Variants in ARHGAP26 observed in about 807,000 individuals in gnomAD.
ARHGAP26 encodes rho GTPase-activating protein 26.
In ARHGAP26, 38 loss-of-function variants were observed where a neutral mutation model predicts 104.8. The ratio of observed to expected loss-of-function variants is 0.36; its 90% CI spans 0.28 to 0.48. The LOEUF (loss-of-function observed/expected upper bound fraction) is 0.48, where lower values mean the gene tolerates loss of function less well. ARHGAP26 is among the 20% of genes least tolerant of loss of function. The pLI is 0.99. For missense variants in ARHGAP26, 704 were observed against 947.9 expected, an observed-to-expected ratio of 0.74 and a Z score of 3.38; for synonymous variants, 341 against 340.0, an observed-to-expected ratio of 1.00 and a Z score of -0.03.
intron 17 of ARHGAP26, among the ~76,000 whole-genome samples, chr5:143,108,905 G>A (rs1002900138): frequency 2.6e-5 from 4 of 152,226 alleles, no homozygotes; most frequent in South Asian, 2.1e-4. Context: ...AGCTCTCAGC[G>A]CTGGGTCCCA....
intron 12 of ARHGAP26, among the ~76,000 whole-genome samples, chr5:143,028,121 A>G (rs1363029623): frequency 6.6e-6 from 1 of 152,188 alleles, no homozygotes; most frequent in African/African-American, 2.4e-5. Context: ...TCTTACAGAA[A>G]TTCCTTAACC....
intron 14 of ARHGAP26, among the ~76,000 whole-genome samples, chr5:143,053,986 C>T (rs1785418296): frequency 6.6e-6 from 1 of 152,184 alleles, no homozygotes; most frequent in Non-Finnish European, 1.5e-5. Context: ...AATCATTCTT[C>T]TATCGTTGGA....
chr5:143,147,567 C>T (rs955274078), intron 20 of ARHGAP26, 186 bp downstream of exon 20: 2 of 618,736 alleles, frequency 3.2e-6, no homozygotes, highest in South Asian at 2.5e-5. Flanking sequence ...CAGAGGGAGT[C>T]GTTATTCTTA....
chr5:142,831,473 A>G (rs1768418621), intron 1 of ARHGAP26, among the ~76,000 whole-genome samples: 1 of 152,104 alleles, frequency 6.6e-6, no homozygotes, highest in Non-Finnish European at 1.5e-5. Context: ...ACGTCTGTGG[A>G]TGAAATTCAG....
intron 20 of ARHGAP26, among the ~76,000 whole-genome samples, chr5:143,193,483 G>A (rs549846696): frequency 1.1e-4 from 16 of 151,996 alleles, no homozygotes; most frequent in South Asian, 4.2e-4. Flanking sequence ...TCCTGAGCTC[G>A]GGTGATCTAC....
intron 5 of ARHGAP26, 82 bp from the exon 6 acceptor site, chr5:142,894,156 A>ATTTTT: frequency 2.9e-6 from 3 of 1,034,080 alleles, no homozygotes; most frequent in Admixed American, 2.4e-5. Context: ...ATCTCCCGAG[A>ATTTTT]TTTTTTTTTT....
At chr5:142,898,130 A>G (rs1188321344) in intron 6 of ARHGAP26, among the ~76,000 whole-genome samples, 1 of 151,782 alleles carries the variant, frequency 6.6e-6, no homozygotes, top group Non-Finnish European at 1.5e-5. Context: ...TCTAAATCAG[A>G]TCTTTTGGGA....
intron 12 of ARHGAP26, among the ~76,000 whole-genome samples, chr5:143,015,906 A>T (rs755394983): frequency 5.3e-5 from 8 of 152,240 alleles, no homozygotes; most frequent in Non-Finnish European, 1.0e-4. Flanking sequence ...AGGCATTTCG[A>T]GGATATGCTT....
intron 17 of ARHGAP26, among the ~76,000 whole-genome samples, chr5:143,070,625 A>G (rs1788103483): frequency 6.6e-6 from 1 of 152,202 alleles, no homozygotes; most frequent in Admixed American, 6.5e-5. Context: ...AATACCAAGG[A>G]CAGGCCAGGT....
At position 143,041,534 on chromosome 5, in the gene ARHGAP26, G is replaced by A. The variant is rs187551643; in HGVS notation, c.1211-282G>A. 352 of 328,028 alleles carry A rather than the reference G, an allele frequency of 1.1e-3. 5 individuals carry two copies. In the East Asian group the frequency reaches 0.012, roughly 11 times the overall value. The allele number at this position is 328,028 out of a possible 1,614,324, so 20.3% of individuals were successfully genotyped here. A position where few individuals can be genotyped will look rare whatever the true frequency, so the allele number is the denominator to read the frequency against. On this transcript the variant is annotated intron_variant, in intron 13 of 22. Coordinates refer to ENST00000645722, the MANE Select transcript of ARHGAP26 (RefSeq NM_001135608.3). ...ATTTTGCATCTTTTAGAACTCTTCA[G>A]ATGCTGCCTTTGGCAAGAGAAAGGA...
chr5:143,206,808 A>G (rs1051125997), intron 20 of ARHGAP26, among the ~76,000 whole-genome samples: 28 of 152,070 alleles, frequency 1.8e-4, no homozygotes, highest in African/African-American at 6.5e-4. Flanking sequence ...CCTGAAAAAC[A>G]CTCCCACAAG....
chr5:143,046,157 T>C (rs1273855395), intron 14 of ARHGAP26, among the ~76,000 whole-genome samples: 2 of 150,534 alleles, frequency 1.3e-5, no homozygotes, highest in Non-Finnish European at 3.0e-5. Context: ...ATACAAAAAT[T>C]AGCCGGGTGT....
intron 9 of ARHGAP26, among the ~76,000 whole-genome samples, chr5:142,909,608 CA>C (rs1286617112): frequency 6.6e-6 from 1 of 152,186 alleles, no homozygotes; most frequent in Non-Finnish European, 1.5e-5. Flanking sequence ...TGTTTCTTGG[CA>C]GGGGCAGGAT....
chr5:142,900,360 C>T (rs1220459046), intron 6 of ARHGAP26, among the ~76,000 whole-genome samples: 1 of 152,144 alleles, frequency 6.6e-6, no homozygotes, highest in Non-Finnish European at 1.5e-5. Context: ...TATGGTGCCA[C>T]TGGATAGTTT....
At chr5:142,785,445 C>G (rs894315295) in intron 1 of ARHGAP26, among the ~76,000 whole-genome samples, 13 of 152,138 alleles carry the variant, frequency 8.5e-5, no homozygotes, top group Non-Finnish European at 1.6e-4. Flanking sequence ...GCCGAGGGGG[C>G]CTTTAGGCCT....
At chr5:143,028,041 G>C (rs1781320674) in intron 12 of ARHGAP26, among the ~76,000 whole-genome samples, 1 of 152,198 alleles carries the variant, frequency 6.6e-6, no homozygotes, top group African/African-American at 2.4e-5. Flanking sequence ...GCAAAGAGTA[G>C]AAGAGGATGA....
At chr5:142,839,969 T>C (rs1408521773) in intron 1 of ARHGAP26, among the ~76,000 whole-genome samples, 2 of 152,074 alleles carry the variant, frequency 1.3e-5, no homozygotes, top group Admixed American at 6.5e-5. Context: ...ATTTTCCCCA[T>C]GTTCTTTTGG....
At chr5:143,139,862 T>A (rs1313541442) in intron 19 of ARHGAP26, among the ~76,000 whole-genome samples, 1 of 152,120 alleles carries the variant, frequency 6.6e-6, no homozygotes, top group Non-Finnish European at 1.5e-5. Context: ...CACGCTGTGC[T>A]TTTTCTGGAC....
chr5:142,890,024 A>G (rs1758281328), intron 5 of ARHGAP26, among the ~76,000 whole-genome samples: 1 of 149,892 alleles, frequency 6.7e-6, no homozygotes, highest in African/African-American at 2.5e-5. Flanking sequence ...AATCCCAGCT[A>G]CTTGGGAAGG....
Sources: gnomAD v4.1 joint callset for allele counts (sites outside exome capture counted in the v4.1 genomes callset) on GRCh38, gnomAD v4.1.1 for gene constraint, MANE v1.5 for transcripts, NCBI Gene and HGNC (gene_info 2026-07-23, HGNC 2026-07-21) for gene names.